Variants in ADAM23 observed in about 807,000 individuals in gnomAD.
ADAM23 encodes the protein ADAM metallopeptidase domain 23, also known as disintegrin and metalloproteinase domain-containing protein 23.
In ADAM23, 33 loss-of-function variants were observed where a neutral mutation model predicts 120.1. The observed-to-expected ratio is 0.27, with a 90% CI of 0.21 to 0.37. The LOEUF is 0.37. ADAM23 is among the 10% of genes least tolerant of loss of function. The pLI, the probability that ADAM23 is intolerant of heterozygous loss-of-function variation, is 1.00. For missense variants in ADAM23, 862 were observed against 1,058.2 expected, an observed-to-expected ratio of 0.81 and a Z score of 2.57; for synonymous variants, 367 against 375.2, an observed-to-expected ratio of 0.98 and a Z score of 0.25.
At chr2:206,489,679 T>C (rs1696090408) in intron 3 of ADAM23, among the ~76,000 whole-genome samples, 1 of 152,158 alleles carries the variant, frequency 6.6e-6, no homozygotes, top group Non-Finnish European at 1.5e-5. Context: ...ATTTTACTGC[T>C]GAGTAACATG....
chr2:206,514,084 C>G (rs1252520310), intron 3 of ADAM23, among the ~76,000 whole-genome samples: 1 of 152,160 alleles, frequency 6.6e-6, no homozygotes, highest in Non-Finnish European at 1.5e-5. Context: ...GTTTTTATGC[C>G]TGATAACACA....
chr2:206,596,695 G>A (rs922396912), intron 24 of ADAM23, among the ~76,000 whole-genome samples: 3 of 152,104 alleles, frequency 2.0e-5, no homozygotes, highest in African/African-American at 7.2e-5. Flanking sequence ...TCATTAAGAG[G>A]AGAGAAATTA....
intron 2 of ADAM23, among the ~76,000 whole-genome samples, chr2:206,476,133 G>A (rs1695769925): frequency 6.6e-6 from 1 of 152,114 alleles, no homozygotes; most frequent in Admixed American, 6.5e-5. Flanking sequence ...TCTTTACGAA[G>A]TTGAATGTGA....
chr2:206,548,867 A>G (rs1697454329), intron 8 of ADAM23, among the ~76,000 whole-genome samples: 2 of 152,206 alleles, frequency 1.3e-5, no homozygotes, highest in African/African-American at 4.8e-5. Flanking sequence ...TTATTTGACT[A>G]TTAGCAATAT....
At chr2:206,596,232 A>G in intron 24 of ADAM23, 70 bp downstream of exon 24, 1 of 1,185,058 alleles carries the variant, frequency 8.4e-7, no homozygotes, top group African/African-American at 1.5e-5. Flanking sequence ...CACCAGTATA[A>G]CATTCTAATT....
At chr2:206,580,874 T>G (rs558088016) in intron 18 of ADAM23, among the ~76,000 whole-genome samples, 22 of 152,336 alleles carry the variant, frequency 1.4e-4, no homozygotes, top group African/African-American at 5.1e-4. Flanking sequence ...ATTTTTAAAT[T>G]ATCATTTCAA....
chr2:206,474,786 C>T (rs1695741569), intron 2 of ADAM23, among the ~76,000 whole-genome samples: 1 of 152,048 alleles, frequency 6.6e-6, no homozygotes, highest in Non-Finnish European at 1.5e-5. Flanking sequence ...TGTTGCCCAG[C>T]CTGGTCTTGA....
chr2:206,571,487 A>AG (rs1246465342), intron 16 of ADAM23, among the ~76,000 whole-genome samples: 4 of 152,098 alleles, frequency 2.6e-5, no homozygotes, highest in Admixed American at 2.6e-4. Flanking sequence ...AAAAACAAAA[A>AG]GGAAAAAAAA....
intron 3 of ADAM23, among the ~76,000 whole-genome samples, chr2:206,487,852 C>T (rs1418174313): frequency 6.6e-6 from 1 of 152,032 alleles, no homozygotes; most frequent in Non-Finnish European, 1.5e-5. Flanking sequence ...TGAATGATGC[C>T]CAGGGAGAAC....
chr2:206,448,253 A>T (rs751099187), intron 2 of ADAM23, among the ~76,000 whole-genome samples: 1 of 152,188 alleles, frequency 6.6e-6, no homozygotes, highest in Non-Finnish European at 1.5e-5. Flanking sequence ...TTGGATCCAA[A>T]TGCTGTATTC....
intron 3 of ADAM23, among the ~76,000 whole-genome samples, chr2:206,508,408 A>C (rs1696546842): frequency 6.6e-6 from 1 of 151,550 alleles, no homozygotes; most frequent in Non-Finnish European, 1.5e-5. Flanking sequence ...GTAATCCCAG[A>C]ACTTTGGGAG....
At chr2:206,587,974 A>G (rs969122119) in intron 19 of ADAM23, 117 bp from the exon 20 acceptor site, 2 of 986,120 alleles carry the variant, frequency 2.0e-6, no homozygotes, top group Admixed American at 4.1e-5. Context: ...CTATAAAAAT[A>G]TTAGGGTATG....
intron 18 of ADAM23, among the ~76,000 whole-genome samples, chr2:206,579,090 T>C (rs1427701033): frequency 6.6e-6 from 1 of 152,174 alleles, no homozygotes; most frequent in Non-Finnish European, 1.5e-5. Context: ...TTGTTTTTTT[T>C]CTTACTGATT....
chr2:206,577,010 G>T (rs913201149), intron 18 of ADAM23, among the ~76,000 whole-genome samples: 1 of 152,116 alleles, frequency 6.6e-6, no homozygotes, highest in African/African-American at 2.4e-5. Flanking sequence ...ATAGCATAAT[G>T]TACAAGGAAG....
At chr2:206,554,250 C>T (rs1477488011) in intron 9 of ADAM23, among the ~76,000 whole-genome samples, 1 of 152,092 alleles carries the variant, frequency 6.6e-6, no homozygotes, top group African/African-American at 2.4e-5. Context: ...AGAAAAATCC[C>T]TCAATTTGGT....
chr2:206,557,588 A>G, intron 10 of ADAM23, 90 bp downstream of exon 10: 1 of 1,246,430 alleles, frequency 8.0e-7, no homozygotes, highest in Non-Finnish European at 1.2e-6. Flanking sequence ...TTCTTGAACA[A>G]ATTTAAAAAC....
At chr2:206,508,508 T>TAG (rs1466334112) in intron 3 of ADAM23, among the ~76,000 whole-genome samples, 3 of 150,426 alleles carry the variant, frequency 2.0e-5, no homozygotes, top group Non-Finnish European at 4.4e-5. Context: ...ATACAAAAAT[T>TAG]AGCCGGGCGT....
intron 18 of ADAM23, among the ~76,000 whole-genome samples, chr2:206,575,718 G>A (rs1161124844): frequency 6.6e-6 from 1 of 152,178 alleles, no homozygotes; most frequent in African/African-American, 2.4e-5. Context: ...ACAGGTTACT[G>A]ACAAAATTGG....
At chr2:206,613,209 G>A (rs1045628164) in intron 25 of ADAM23, among the ~76,000 whole-genome samples, 20 of 152,152 alleles carry the variant, frequency 1.3e-4, no homozygotes, top group African/African-American at 4.6e-4. Context: ...ACAGGCATGC[G>A]CCACCACGCC....
Sources: allele counts gnomAD v4.1 joint callset (sites outside exome capture counted in the v4.1 genomes callset), GRCh38; gene constraint gnomAD v4.1.1; transcripts MANE v1.5; gene names NCBI Gene and HGNC (gene_info 2026-07-23, HGNC 2026-07-21).